The following WBP4 variants were observed in gnomAD, a reference collection of about 807,000 sequenced individuals.
The protein encoded by WBP4 is WW domain binding protein 4, also known as WW domain-binding protein 4.
A neutral mutation model predicts 55.4 loss-of-function variants in WBP4; 37 were observed. That is an observed-to-expected ratio of 0.67 (90% CI 0.51 to 0.88). The LOEUF (loss-of-function observed/expected upper bound fraction) is 0.88, where lower values mean the gene tolerates loss of function less well. WBP4 is among the 40% of genes least tolerant of loss of function. WBP4 has a pLI of 0.00. For synonymous variants in WBP4, 142 were observed against 140.2 expected, an observed-to-expected ratio of 1.01 and a Z score of -0.09; for missense variants, 398 against 420.8, an observed-to-expected ratio of 0.95 and a Z score of 0.47.
chr13:41,065,900 C>T (rs1877952776), intron 4 of WBP4, among the ~76,000 whole-genome samples: 1 of 152,124 alleles, frequency 6.6e-6, no homozygotes, highest in Admixed American at 6.5e-5. Context: ...TTCCTTAAAC[C>T]AGGCATATAG....
intron 8 of WBP4, 60 bp downstream of exon 8, chr13:41,076,297 T>TTTA (rs1878489191): frequency 1.4e-6 from 1 of 724,892 alleles, no homozygotes; most frequent in African/African-American, 2.1e-5. Flanking sequence ...TTTTTTTTTT[T>TTTA]GAGATGGAGT....
Position 41,080,643 on chromosome 13 carries a change from C to A in WBP4, c.757-3C>A. ...GTATTATTTCTTGGCTTTTACATTTCAGGAAAAAAATAAAAATAGTGATGG... is the reference window on the plus strand; with the variant it reads ...GTATTATTTCTTGGCTTTTACATTTAAGGAAAAAAATAAAAATAGTGATGG... On this transcript the variant is annotated splice_region_variant and splice_polypyrimidine_tract_variant and intron_variant, in intron 8 of 9. Transcript: ENST00000379487. The A allele has an allele frequency of 1.9e-6, 3 of 1,573,390 alleles. No individual in the cohort carries two copies. The highest frequency in any genetic ancestry group is 2.2e-5 in the Admixed American group (1 of 46,286).
chr13:41,069,245 G>A (rs1349240298), intron 5 of WBP4, among the ~76,000 whole-genome samples: 2 of 152,144 alleles, frequency 1.3e-5, no homozygotes, highest in Admixed American at 6.5e-5. Context: ...ACAGTGCCAT[G>A]GCCAGATGCA....
At chr13:41,069,256 G>A (rs186389491) in intron 5 of WBP4, among the ~76,000 whole-genome samples, 2 of 152,314 alleles carry the variant, frequency 1.3e-5, no homozygotes, top group East Asian at 3.9e-4. Context: ...GCCAGATGCA[G>A]TGGCTCATGC....
chr13:41,062,803 C>A, intron 2 of WBP4, 87 bp downstream of exon 2: 1 of 1,171,480 alleles, frequency 8.5e-7, no homozygotes, highest in Non-Finnish European at 1.2e-6. Context: ...TTACAAAGCA[C>A]TTTTATGTAC....
Position 41,082,886 on chromosome 13 carries a change from AT to A in WBP4, c.1106del (p.Leu369Ter). 1 of 1,614,050 alleles carries A rather than the reference AT, an allele frequency of 6.2e-7. No individual in the cohort carries two copies. Among genetic ancestry groups the A allele is most frequent in the Non-Finnish European group, 8.5e-7 (1 of 1,179,974 alleles). ...KRRTENGKSR[N>X]LRQRGDDQ ...AGAACTGAAAATGGAAAATCTAGAA[AT>A]TTAAGGCAACGAGGTGATGATCAAT... On this transcript the variant is annotated frameshift_variant, in exon 10 of 10. Coordinates refer to ENST00000379487, the MANE Select transcript of WBP4 (RefSeq NM_007187.5). LOFTEE classifies it high-confidence loss of function.
intron 8 of WBP4, among the ~76,000 whole-genome samples, chr13:41,076,522 C>A (rs1878502504): frequency 6.6e-6 from 1 of 152,070 alleles, no homozygotes; most frequent in Non-Finnish European, 1.5e-5. Flanking sequence ...ACCTCGTGAT[C>A]TACTTGCCTC....
In WBP4 at chr13:41,061,593, T is replaced by C. The variant is rs376861857; in HGVS notation, c.-81T>C. 1.9e-6 allele frequency: 3 copies of C among 1,610,632 alleles called. No individual in the cohort carries two copies. Among genetic ancestry groups the C allele is most frequent in the African/African-American group, 1.3e-5 (1 of 74,848 alleles). ...GAGGTTCGGGTGGGCATCGGGCGGC[T>C]GGAAGAGCTCGACTCGTCCCGCTGG... On this transcript the variant is annotated 5_prime_UTR_variant, in exon 1 of 10. Transcript: ENST00000379487.
rs1440778531 is a variant in WBP4, at chr13:41,065,254, C to G, written c.229C>G (p.Gln77Glu). The change falls in exon 4 of 10, where the codon CAA becomes GAA. Residue 77 changes from glutamine to glutamate, a missense_variant. Coordinates refer to ENST00000379487, the MANE Select transcript of WBP4 (RefSeq NM_007187.5). Reference protein sequence around the residue: ...AMEAAALKAYQEDLKRLGLES... With the variant: ...AMEAAALKAYEEDLKRLGLES... ...GGAGGCAGCTGCCCTGAAAGCATAC[C>G]AAGAGGATTTGAAAAGACTTGGCTT... The G allele has an allele frequency of 6.4e-7, 1 of 1,574,488 alleles. No individual in the cohort carries two copies. The highest frequency in any genetic ancestry group is 1.5e-5 in the African/African-American group (1 of 68,432).
intron 4 of WBP4, among the ~76,000 whole-genome samples, chr13:41,068,292 T>A (rs1253658008): frequency 6.6e-6 from 1 of 152,242 alleles, no homozygotes; most frequent in Admixed American, 6.5e-5. Flanking sequence ...TGCCTATTTC[T>A]ATGTCAGTTC....
intron 8 of WBP4, among the ~76,000 whole-genome samples, chr13:41,077,508 C>A (rs79734711): frequency 2.3e-3 from 342 of 151,976 alleles, no homozygotes; most frequent in African/African-American, 8.0e-3. Context: ...AAAAGAAGAG[C>A]CATGTATGAG....
At chr13:41,074,549 T>C (rs1878393173) in intron 7 of WBP4, among the ~76,000 whole-genome samples, 1 of 152,226 alleles carries the variant, frequency 6.6e-6, no homozygotes, top group Non-Finnish European at 1.5e-5. Flanking sequence ...AATGCACAGC[T>C]TCTTTCCTTA....
intron 9 of WBP4, among the ~76,000 whole-genome samples, chr13:41,081,256 C>G (rs1302883645): frequency 6.6e-6 from 1 of 151,800 alleles, no homozygotes; most frequent in African/African-American, 2.4e-5. Flanking sequence ...CCCAGCACTT[C>G]AGGAGGCCAA....
At chr13:41,077,714 A>G (rs1366066425) in intron 8 of WBP4, among the ~76,000 whole-genome samples, 44 of 152,208 alleles carry the variant, frequency 2.9e-4, no homozygotes, top group Admixed American at 2.9e-3. Flanking sequence ...TGCTGATTAA[A>G]TGATCTTACT....
chr13:41,076,269 A>ATTTT lies in WBP4; in HGVS notation c.756+57_756+60dup, dbSNP rs35695477. 1.5e-3 allele frequency: 1,010 copies of ATTTT among 678,122 alleles called. 18 individuals are homozygous for ATTTT. The highest frequency in any genetic ancestry group is 1.0e-2 in the East Asian group (164 of 16,482). 42.0% of individuals were successfully genotyped at this position (678,122 alleles called of 1,614,324 possible). On this transcript the variant is annotated intron_variant, in intron 8 of 9. Transcript: ENST00000379487. The stretch of plus-strand genomic sequence containing the variant: ...TTTTAAATTTTACTCTTCACATCAA[A>ATTTT]TTTTTTTTTTTTTTTTTTTTTTTTT...
intron 8 of WBP4, among the ~76,000 whole-genome samples, chr13:41,078,475 A>G (rs1488348700): frequency 6.6e-6 from 1 of 152,168 alleles, no homozygotes; most frequent in African/African-American, 2.4e-5. Context: ...ACCTCTAACC[A>G]TGTACAAAAG....
Position 41,076,120 on chromosome 13 carries a change from A to G in WBP4, c.639A>G (p.Ser213=), listed in dbSNP as rs1878471986. Residue 213 remains serine, a synonymous_variant, in exon 8 of 10, where the codon TCA becomes TCG. Transcript: ENST00000379487. ...CTTCTAGTAAGGTCAATGAAAATTC[A>G]CTTGGCACCCTAGATGAATCCAAAT... ...DLPSSKVNEN[S]LGTLDESKSS... The G allele has an allele frequency of 3.7e-6, 6 of 1,613,644 alleles. No homozygotes were observed. The highest frequency in any genetic ancestry group is 5.1e-6 in the Non-Finnish European group (6 of 1,179,944).
At chr13:41,069,859 CAA>C (rs980234671) in intron 5 of WBP4, among the ~76,000 whole-genome samples, 9 of 118,522 alleles carry the variant, frequency 7.6e-5, no homozygotes, top group African/African-American at 2.9e-4. Context: ...GCCTGGGCAA[CAA>C]GAGCGAAAGT....
chr13:41,065,821 A>T (rs1877949891), intron 4 of WBP4, among the ~76,000 whole-genome samples: 1 of 152,196 alleles, frequency 6.6e-6, no homozygotes, highest in Admixed American at 6.5e-5. Context: ...GACTGCATCT[A>T]TCTTGTCATT....
Sources: allele counts gnomAD v4.1 joint callset (sites outside exome capture counted in the v4.1 genomes callset), GRCh38; gene constraint gnomAD v4.1.1; transcripts MANE v1.5; gene names NCBI Gene and HGNC (gene_info 2026-07-23, HGNC 2026-07-21).